The following MALRD1 variants were observed in gnomAD, a reference collection of about 807,000 sequenced individuals.
The protein encoded by MALRD1 is MAM and LDL receptor class A domain containing 1.
In MALRD1, 247 loss-of-function variants were observed where a neutral mutation model predicts 242.1. That is an observed-to-expected ratio of 1.02 (90% CI 0.92 to 1.13). The LOEUF (loss-of-function observed/expected upper bound fraction) is 1.13, where lower values mean the gene tolerates loss of function less well. MALRD1 is among the 50% of genes most tolerant of loss of function. MALRD1 has a pLI of 0.00. For missense variants in MALRD1, 2,989 were observed against 2,533.1 expected (o/e 1.18, Z -3.86); for synonymous variants, 995 against 866.6 (o/e 1.15, Z -2.60).
At chr10:19,607,585 G>T (rs527643483) in intron 34 of MALRD1, among the ~76,000 whole-genome samples, 192 bp from the exon 35 acceptor site, 71 of 152,140 alleles carry the variant, frequency 4.7e-4, no homozygotes, top group Non-Finnish European at 9.4e-4. Context: ...GGCAAATGTG[G>T]TTTTTCTTTC....
rs1834994711 is a variant in MALRD1, at chr10:19,066,822, A to G, written c.303A>G (p.Leu101=). 4.1e-6 allele frequency: 5 copies of G among 1,233,746 alleles called. No homozygotes were observed. The highest frequency in any genetic ancestry group is 2.1e-4 in the Middle Eastern group (1 of 4,836). 76.4% of individuals were successfully genotyped at this position (1,233,746 alleles called of 1,614,324 possible). A position where few individuals can be genotyped will look rare whatever the true frequency, so the allele number is the denominator to read the frequency against. Residue 101 remains leucine, a synonymous_variant, in exon 2 of 40, where the codon CTA becomes CTG. Coordinates refer to ENST00000454679, the MANE Select transcript of MALRD1 (RefSeq NM_001142308.3). ...SWTKRSGMIG[L]SPPFYDHNGD... ...CAAAGAGAAGTGGGATGATTGGTCT[A>G]TCACCTCCATTTTATGATCACAATG... is the stretch of plus-strand genomic sequence containing the variant.
At chr10:19,730,523 C>T in intron 38 of MALRD1, 183 bp from the exon 39 acceptor site, 1 of 679,806 alleles carries the variant, frequency 1.5e-6, no homozygotes, top group Non-Finnish European at 2.6e-6. Flanking sequence ...AATGTGGTTG[C>T]CTTGGTGTCC....
intron 26 of MALRD1, among the ~76,000 whole-genome samples, chr10:19,380,252 G>A (rs1449959996): frequency 2.0e-5 from 3 of 149,830 alleles, no homozygotes; most frequent in Non-Finnish European, 4.4e-5. Flanking sequence ...TAGGATTACA[G>A]GTGTGAGCCA....
At chr10:19,252,880 G>A (rs1294201729) in intron 18 of MALRD1, among the ~76,000 whole-genome samples, 1 of 152,000 alleles carries the variant, frequency 6.6e-6, no homozygotes, top group Non-Finnish European at 1.5e-5. Flanking sequence ...TTTCAGGGTT[G>A]TGTAAACAAT....
At chr10:19,466,778 A>G (rs1836235321) in intron 29 of MALRD1, among the ~76,000 whole-genome samples, 1 of 152,156 alleles carries the variant, frequency 6.6e-6, no homozygotes, top group African/African-American at 2.4e-5. Flanking sequence ...TCCAAACACA[A>G]AATTCACTTA....
Position 19,088,075 on chromosome 10 carries a change from C to A in MALRD1, c.487C>A (p.Leu163Ile). 4.1e-6 allele frequency: 5 copies of A among 1,233,582 alleles called. No individual in the cohort carries two copies. Among genetic ancestry groups the A allele is most frequent in the Non-Finnish European group, 5.1e-6 (5 of 987,926 alleles). The allele number at this position is 1,233,582 out of a possible 1,614,324, so 76.4% of individuals were successfully genotyped here. The change falls in exon 4 of 40, where the codon CTT becomes ATT. Residue 163 changes from leucine to isoleucine, a missense_variant. Coordinates refer to ENST00000454679, the MANE Select transcript of MALRD1 (RefSeq NM_001142308.3). ...AGTGAGTGGCAAATTAATGGTTGGG[C>A]TTCAAACTGCATGTGGAGGTCCTAT... ...CQVSGKLMVG[L>I]QTACGGPIQH... is the part of the protein sequence containing the mutation.
intron 18 of MALRD1, among the ~76,000 whole-genome samples, chr10:19,238,433 AATATATAATATACATT>A (rs1838536714): frequency 1.4e-5 from 1 of 70,976 alleles, no homozygotes; most frequent in Non-Finnish European, 2.5e-5. Flanking sequence ...CATTATATAT[AATATATAATATACATT>A]ATATATAATA....
intron 28 of MALRD1, among the ~76,000 whole-genome samples, chr10:19,403,173 AG>A (rs1564310635): frequency 6.6e-6 from 1 of 152,146 alleles, no homozygotes; most frequent in Admixed American, 6.6e-5. Flanking sequence ...CCAAAAAAAA[AG>A]TCTAGTTTTG....
intron 36 of MALRD1, among the ~76,000 whole-genome samples, chr10:19,640,430 C>G (rs1274733842): frequency 1.3e-5 from 2 of 152,066 alleles, no homozygotes; most frequent in Non-Finnish European, 2.9e-5. Flanking sequence ...CTTAGGGTCC[C>G]ATTGCAACAT....
At chr10:19,407,085 T>G (rs1833060387) in intron 28 of MALRD1, among the ~76,000 whole-genome samples, 1 of 152,138 alleles carries the variant, frequency 6.6e-6, no homozygotes, top group Non-Finnish European at 1.5e-5. Flanking sequence ...CACGCCCCAA[T>G]TCTGGAATCT....
chr10:19,155,642 C>T (rs950303944), intron 12 of MALRD1, among the ~76,000 whole-genome samples: 3 of 152,246 alleles, frequency 2.0e-5, no homozygotes, highest in Non-Finnish European at 4.4e-5. Flanking sequence ...TTAGAGAGGA[C>T]GGACTAGTTA....
chr10:19,192,435 G>C (rs1836021359), intron 14 of MALRD1, among the ~76,000 whole-genome samples: 1 of 152,166 alleles, frequency 6.6e-6, no homozygotes, highest in Non-Finnish European at 1.5e-5. Context: ...AAAGATGTAA[G>C]GAGCCACATG....
At chr10:19,099,378 C>T (rs534367915) in intron 4 of MALRD1, among the ~76,000 whole-genome samples, 3 of 152,260 alleles carry the variant, frequency 2.0e-5, no homozygotes, top group Admixed American at 1.3e-4. Flanking sequence ...CGGTCATCAC[C>T]ATTTCCTCTG....
intron 14 of MALRD1, among the ~76,000 whole-genome samples, chr10:19,198,332 A>G (rs940872146): frequency 1.3e-5 from 2 of 152,182 alleles, no homozygotes; most frequent in African/African-American, 4.8e-5. Flanking sequence ...GTCCCCTGAG[A>G]AAGGGACCAA....
intron 5 of MALRD1, among the ~76,000 whole-genome samples, chr10:19,118,878 G>A (rs1430156619): frequency 2.6e-5 from 4 of 152,142 alleles, no homozygotes; most frequent in African/African-American, 7.2e-5. Context: ...GTCATAGTAA[G>A]GCATTGATGT....
chr10:19,447,449 T>G (rs917802295), intron 28 of MALRD1, among the ~76,000 whole-genome samples: 1 of 152,230 alleles, frequency 6.6e-6, no homozygotes, highest in Non-Finnish European at 1.5e-5. Flanking sequence ...TTTACCCATT[T>G]TTTTTTCTAA....
intron 36 of MALRD1, among the ~76,000 whole-genome samples, chr10:19,670,964 C>T (rs968114936): frequency 2.0e-5 from 3 of 151,538 alleles, no homozygotes; most frequent in African/African-American, 7.3e-5. Context: ...CTGCAAGCTC[C>T]GCCTCCCGGG....
intron 6 of MALRD1, among the ~76,000 whole-genome samples, chr10:19,124,043 CAAAAAAAAAA>C (rs71387044): frequency 8.0e-5 from 7 of 87,290 alleles, no homozygotes; most frequent in Admixed American, 2.4e-4. Context: ...TCATCTCTAC[CAAAAAAAAAA>C]AAAAAAAAAA....
At chr10:19,288,669 G>T (rs964325560) in intron 21 of MALRD1, among the ~76,000 whole-genome samples, 1 of 152,028 alleles carries the variant, frequency 6.6e-6, no homozygotes, top group East Asian at 1.9e-4. Context: ...CCACAGTTCT[G>T]TTGTGTGCCC....
Sources: allele counts gnomAD v4.1 joint callset (sites outside exome capture counted in the v4.1 genomes callset), GRCh38; gene constraint gnomAD v4.1.1; transcripts MANE v1.5; gene names NCBI Gene and HGNC (gene_info 2026-07-23, HGNC 2026-07-21).